The following PANK2 variants were observed in gnomAD, a reference collection of about 807,000 sequenced individuals.
The protein encoded by PANK2 is pantothenate kinase 2, mitochondrial.
Under a neutral mutation model 43.1 loss-of-function variants are expected in PANK2, and 36 were observed. That is an observed-to-expected ratio of 0.84 (90% confidence interval 0.64 to 1.10). PANK2 has a LOEUF of 1.10. Ranked by LOEUF, PANK2 falls within the 50% of genes least tolerant of loss-of-function variation. The pLI is 0.00. For synonymous variants in PANK2, 281 were observed against 238.2 expected (o/e 1.18, Z -1.66); for missense variants, 576 against 593.3 (o/e 0.97, Z 0.30).
At chr20:3,916,814 A>G in intron 4 of PANK2, 113 bp from the exon 5 acceptor site, 2 of 1,466,766 alleles carry the variant, frequency 1.4e-6, no homozygotes, top group Non-Finnish European at 1.9e-6. Flanking sequence ...AGGTTTGAAG[A>G]TTTCAACAAT....
intron 2 of PANK2, 75 bp downstream of exon 2, chr20:3,908,353 A>G (rs771215270): frequency 9.9e-6 from 13 of 1,308,458 alleles, no homozygotes; most frequent in South Asian, 2.5e-5. Flanking sequence ...AAGTGGTGAA[A>G]TAATTTCCAT....
intron 1 of PANK2, among the ~76,000 whole-genome samples, chr20:3,892,416 CTG>C (rs1222118524): frequency 6.6e-6 from 1 of 151,546 alleles, no homozygotes; most frequent in South Asian, 2.1e-4. Flanking sequence ...AGTCTTATCT[CTG>C]AGAGAATTCA....
At chr20:3,923,109 G>A in intron 6 of PANK2, 135 bp from the exon 7 acceptor site, 1 of 1,002,254 alleles carries the variant, frequency 1.0e-6, no homozygotes, top group Non-Finnish European at 1.6e-6. Context: ...GGCTGGCCTT[G>A]GCCCTTCTGG....
At chr20:3,892,101 C>A (rs1352407501) in intron 1 of PANK2, among the ~76,000 whole-genome samples, 1 of 152,066 alleles carries the variant, frequency 6.6e-6, no homozygotes, top group South Asian at 2.1e-4. Flanking sequence ...TTTGGGAGGC[C>A]AAGGCGGGTG....
In PANK2 at chr20:3,889,613, G is replaced by A. The variant is rs966862550; in HGVS notation, c.183G>A (p.Ser61=). The change falls in exon 1 of 7, where the codon TCG becomes TCA. Residue 61 remains serine, a synonymous_variant. Coordinates refer to ENST00000610179, the MANE Select transcript of PANK2 (RefSeq NM_001386393.1). Reference sequence around the variant, plus strand: ...TGCGGCGCCGGGCGAGCAGCGCGTCGGTGCCCGCGGTCGGGGCCTCGGCTG... The same window carrying A: ...TGCGGCGCCGGGCGAGCAGCGCGTCAGTGCCCGCGGTCGGGGCCTCGGCTG... The A allele has an allele frequency of 1.3e-6, 2 of 1,535,400 alleles. No homozygotes were observed. Among genetic ancestry groups the A allele is most frequent in the African/African-American group, 1.4e-5 (1 of 70,690 alleles).
chr20:3,917,470 C>T (rs1210680035), intron 5 of PANK2: 1 of 534,878 alleles, frequency 1.9e-6, no homozygotes, highest in African/African-American at 1.9e-5. Flanking sequence ...TCCTTGGCTC[C>T]CCCACCTCAG....
intron 1 of PANK2, among the ~76,000 whole-genome samples, chr20:3,893,337 C>G (rs565166327): frequency 1.3e-5 from 2 of 152,250 alleles, no homozygotes; most frequent in East Asian, 3.9e-4. Flanking sequence ...TTAAAACTTT[C>G]CCTCAACCTA....
chr20:3,894,453 T>C (rs1367917798), intron 1 of PANK2, among the ~76,000 whole-genome samples: 1 of 151,872 alleles, frequency 6.6e-6, no homozygotes, highest in Non-Finnish European at 1.5e-5. Context: ...TTGGTCAGGC[T>C]GGTCTTGAGC....
Position 3,917,479 on chromosome 20 carries a change from A to G in PANK2, c.1206+429A>G. ...GTGCCCTCCTTGGCTCCCCCACCTC[A>G]GCAGAGCTGCGTCTTTGTGCTTTCA... On this transcript the variant is annotated intron_variant, in intron 5 of 6. Coordinates refer to ENST00000610179, the MANE Select transcript of PANK2 (RefSeq NM_001386393.1). 2 of 534,920 alleles carry G rather than the reference A, an allele frequency of 3.7e-6. 1 individual carries two copies. The highest frequency in any genetic ancestry group is 2.8e-5 in the South Asian group (2 of 71,592). 33.1% of individuals were successfully genotyped at this position (534,920 alleles called of 1,614,324 possible).
chr20:3,889,086 G>A (rs996950861), upstream of PANK2: 1 of 1,528,548 alleles, frequency 6.5e-7, no homozygotes, highest in Non-Finnish European at 8.8e-7. Context: ...AGTGGGGGGC[G>A]GAAGGAGGGG....
At chr20:3,907,841 C>T (rs2090411189) in intron 1 of PANK2, 85 bp from the exon 2 acceptor site, 2 of 1,151,660 alleles carry the variant, frequency 1.7e-6, no homozygotes, top group Non-Finnish European at 2.6e-6. Flanking sequence ...GAAACCCTAG[C>T]GTTTGAAATA....
At chr20:3,889,109 G>T (rs1211425299), upstream of PANK2, 2 of 1,546,630 alleles carry the variant, frequency 1.3e-6, no homozygotes. Flanking sequence ...GGATGAGGAG[G>T]CTCGGGCCCT....
rs71195868 is a variant in PANK2, at chr20:3,913,791, T to TATATA, written c.1082+1157_1082+1158insATATA. On this transcript the variant is annotated intron_variant, in intron 4 of 6. Transcript: ENST00000610179. ...ACACACACACATATATATATATATA[T>TATATA]TTTTTTTTTTTTTTTGAGACGGAGT... Among the ~76,000 whole-genome samples, 76 of 107,200 alleles carry TATATA rather than the reference T, an allele frequency of 7.1e-4. 1 individual carries two copies. In the East Asian group the frequency reaches 0.017, roughly 23 times the overall value. The allele number at this position is 107,200 out of a possible 152,430, so 70.3% of individuals were successfully genotyped here. A position where few individuals can be genotyped will look rare whatever the true frequency, so the allele number is the denominator to read the frequency against.
intron 4 of PANK2, among the ~76,000 whole-genome samples, chr20:3,915,458 C>T (rs912538269): frequency 6.6e-6 from 1 of 152,192 alleles, no homozygotes; most frequent in Non-Finnish European, 1.5e-5. Flanking sequence ...CCGCCACACC[C>T]AGCTAATTTT....
At chr20:3,901,175 G>GC (rs1312456622) in intron 1 of PANK2, among the ~76,000 whole-genome samples, 1 of 151,272 alleles carries the variant, frequency 6.6e-6, no homozygotes, top group East Asian at 1.9e-4. Flanking sequence ...TCCTGCCTCA[G>GC]CCCCTGGAGT....
intron 1 of PANK2, among the ~76,000 whole-genome samples, chr20:3,896,770 G>T (rs1296391982): frequency 2.0e-5 from 3 of 152,168 alleles, no homozygotes; most frequent in Non-Finnish European, 4.4e-5. Context: ...GAGCACAGAA[G>T]TTCCGTGTCC....
intron 1 of PANK2, among the ~76,000 whole-genome samples, chr20:3,898,447 G>A (rs530095730): frequency 8.5e-5 from 13 of 152,082 alleles, no homozygotes; most frequent in East Asian, 1.9e-4. Flanking sequence ...TCATCCACTC[G>A]CCTCGGCCTC....
At chr20:3,909,879 A>G (rs753143012) in intron 2 of PANK2, among the ~76,000 whole-genome samples, 1 of 152,170 alleles carries the variant, frequency 6.6e-6, no homozygotes, top group Non-Finnish European at 1.5e-5. Flanking sequence ...GGCGTGAGCC[A>G]CCGTGCCCGG....
In PANK2 at chr20:3,910,295, G is replaced by GTT. The variant is rs11441747; in HGVS notation, c.652-271_652-270dup. ...TGTTTGAAGGTTGATAAATGCTGTG[G>GTT]TTTTTTTTTTTTGTTTTTTTTGTTT... On this transcript the variant is annotated intron_variant, in intron 2 of 6. Transcript: ENST00000610179. Among the ~76,000 whole-genome samples the GTT allele has an allele frequency of 0.12, 16,892 of 143,702 alleles. 1,205 individuals are homozygous for GTT. Among genetic ancestry groups the GTT allele is most frequent in the East Asian group, 0.37 (1,818 of 4,866 alleles). The allele number at this position is 143,702 out of a possible 152,430, so 94.3% of individuals were successfully genotyped here.
Sources: allele counts gnomAD v4.1 joint callset (sites outside exome capture counted in the v4.1 genomes callset), GRCh38; gene constraint gnomAD v4.1.1; transcripts MANE v1.5; gene names NCBI Gene and HGNC (gene_info 2026-07-23, HGNC 2026-07-21).